The following RGS7 variants were observed in gnomAD, a reference collection of about 807,000 sequenced individuals.
The protein encoded by RGS7 is regulator of G-protein signaling 7.
Under a neutral mutation model 81.1 loss-of-function variants are expected in RGS7, and 27 were observed. The observed-to-expected ratio is 0.33, with a 90% CI of 0.25 to 0.46. The LOEUF is 0.46. Among genes scored for constraint, RGS7 ranks in the 20% least tolerant of loss-of-function variants. The probability of loss-of-function intolerance (pLI) is 1.00; values close to 1 mark genes in which losing one functional copy is unlikely to be tolerated. For missense variants in RGS7, 396 were observed against 607.4 expected, an observed-to-expected ratio of 0.65 and a Z score of 3.66; for synonymous variants, 208 against 207.7, an observed-to-expected ratio of 1.00 and a Z score of -0.01.
chr1:241,336,450 AC>A (rs1284498055), intron 2 of RGS7, among the ~76,000 whole-genome samples: 1 of 152,222 alleles, frequency 6.6e-6, no homozygotes. Context: ...AATCCCTAAA[AC>A]ATAGGAATCC....
At chr1:241,011,450 G>C (rs1281992481) in intron 3 of RGS7, among the ~76,000 whole-genome samples, 1 of 152,210 alleles carries the variant, frequency 6.6e-6, no homozygotes, top group Non-Finnish European at 1.5e-5. Context: ...TTGAGTGTTA[G>C]AAATGAAAAC....
intron 18 of RGS7, among the ~76,000 whole-genome samples, chr1:240,798,276 G>A (rs1176017822): frequency 6.6e-6 from 1 of 152,134 alleles, no homozygotes; most frequent in Non-Finnish European, 1.5e-5. Flanking sequence ...GTGCTAGTAA[G>A]TATTTATGAA....
intron 2 of RGS7, among the ~76,000 whole-genome samples, chr1:241,153,295 C>T (rs1433731487): frequency 1.3e-5 from 2 of 152,150 alleles, no homozygotes; most frequent in South Asian, 2.1e-4. Context: ...TACTGTGAGA[C>T]CAAATGCACT....
intron 2 of RGS7, among the ~76,000 whole-genome samples, chr1:241,328,437 A>G (rs2081750103): frequency 6.6e-6 from 1 of 152,228 alleles, no homozygotes; most frequent in Admixed American, 6.5e-5. Flanking sequence ...AAGAAACTAC[A>G]GGCCCAGCTC....
At chr1:240,871,953 A>G (rs1338167985) in intron 6 of RGS7, among the ~76,000 whole-genome samples, 1 of 152,000 alleles carries the variant, frequency 6.6e-6, no homozygotes, top group Admixed American at 6.6e-5. Flanking sequence ...AATCTTTATT[A>G]TTTGCAAAAT....
At chr1:240,812,078 T>C in intron 13 of RGS7, 35 bp from the exon 14 acceptor site, 2 of 1,613,224 alleles carry the variant, frequency 1.2e-6, no homozygotes, top group Non-Finnish European at 1.7e-6. Flanking sequence ...ATACATTCCT[T>C]TCATTAGAAT....
intron 9 of RGS7, among the ~76,000 whole-genome samples, chr1:240,843,856 T>TA (rs1658566429): frequency 6.6e-6 from 1 of 151,650 alleles, no homozygotes; most frequent in Non-Finnish European, 1.5e-5. Context: ...CTTTCTTTTT[T>TA]AAAAATACAA....
At chr1:240,864,869 C>T (rs1481210391) in intron 9 of RGS7, among the ~76,000 whole-genome samples, 1 of 152,118 alleles carries the variant, frequency 6.6e-6, no homozygotes, top group Non-Finnish European at 1.5e-5. Context: ...TTGTGATGCT[C>T]CTTGATTGTC....
intron 3 of RGS7, among the ~76,000 whole-genome samples, chr1:240,998,229 A>G (rs891400908): frequency 6.6e-6 from 1 of 152,042 alleles, no homozygotes; most frequent in Non-Finnish European, 1.5e-5. Context: ...GACTGCTTTC[A>G]AGATGTTTGT....
chr1:241,175,609 A>G (rs897760329), intron 2 of RGS7, among the ~76,000 whole-genome samples: 4 of 152,210 alleles, frequency 2.6e-5, no homozygotes, highest in Non-Finnish European at 5.9e-5. Flanking sequence ...GATAAATACC[A>G]TAAGAGGGCA....
chr1:241,056,790 A>T (rs181696786), intron 3 of RGS7, among the ~76,000 whole-genome samples: 108 of 152,346 alleles, frequency 7.1e-4, no homozygotes, highest in Admixed American at 9.8e-4. Context: ...ATAAATAGTT[A>T]TTACTAAATA....
chr1:240,963,087 T>G (rs1681725992), intron 4 of RGS7, among the ~76,000 whole-genome samples: 1 of 151,794 alleles, frequency 6.6e-6, no homozygotes, highest in Admixed American at 6.6e-5. Flanking sequence ...GAATATGAGG[T>G]AGAAAACAGT....
At chr1:241,018,999 C>T (rs889719641) in intron 3 of RGS7, among the ~76,000 whole-genome samples, 4 of 152,122 alleles carry the variant, frequency 2.6e-5, no homozygotes, top group African/African-American at 9.7e-5. Flanking sequence ...ATTCTCTTTC[C>T]TTTCCCCTGC....
At position 240,982,018 on chromosome 1, in the gene RGS7, C is replaced by T. The variant is rs373324388; in HGVS notation, c.226+1061G>A. 1.1e-4 allele frequency among the ~76,000 whole-genome samples: 17 copies of T among 152,288 alleles called. 1 individual carries two copies. The highest frequency in any genetic ancestry group is 3.9e-4 in the Admixed American group (6 of 15,298). On this transcript the variant is annotated intron_variant, in intron 4 of 18. Transcript: ENST00000440928. ...TCACTGTAATGCCAGCTTTTCATAA[C>T]TATTGTTTTCTGTTTTCTCAGAATC... is the stretch of plus-strand genomic sequence containing the variant.
intron 14 of RGS7, among the ~76,000 whole-genome samples, chr1:240,809,131 T>C (rs1439882136): frequency 6.6e-6 from 1 of 152,168 alleles, no homozygotes; most frequent in African/African-American, 2.4e-5. Flanking sequence ...AGATAAAAAC[T>C]CATGATATTA....
At chr1:240,819,133 T>G (rs1691332184) in intron 10 of RGS7, among the ~76,000 whole-genome samples, 2 of 152,234 alleles carry the variant, frequency 1.3e-5, no homozygotes, top group Admixed American at 6.5e-5. Flanking sequence ...GTTTTTCAAC[T>G]GTATCACCTT....
At chr1:241,147,773 TTAAGTTTTATATA>T (rs2103112929) in intron 2 of RGS7, among the ~76,000 whole-genome samples, 1 of 125,030 alleles carries the variant, frequency 8.0e-6, no homozygotes, top group East Asian at 2.3e-4. Context: ...CCCATCTAGA[TTAAGTTTTATATA>T]TATATATATA....
chr1:240,823,166 AGTC>A (rs1692115196), intron 10 of RGS7: 1 of 1,142,438 alleles, frequency 8.8e-7, no homozygotes, highest in Admixed American at 1.7e-5. Flanking sequence ...TCCCCATAGA[AGTC>A]CTCTTTGAAG....
In RGS7 at chr1:240,882,526, C is replaced by T. The variant is rs115168128; in HGVS notation, c.386-12407G>A. Among the ~76,000 whole-genome samples the T allele has an allele frequency of 1.8e-3, 277 of 152,238 alleles. 1 individual carries two copies. Among genetic ancestry groups the T allele is most frequent in the Middle Eastern group, 6.8e-3 (2 of 294 alleles). On this transcript the variant is annotated intron_variant, in intron 6 of 18. Transcript: ENST00000440928. The stretch of plus-strand genomic sequence containing the variant: ...AACCCAGAGAGCTCAAGTCCTCTCT[C>T]GGGGCCACATAGTATGTCGGCAAGT...
Sources: allele counts gnomAD v4.1 joint callset (sites outside exome capture counted in the v4.1 genomes callset), GRCh38; gene constraint gnomAD v4.1.1; transcripts MANE v1.5; gene names NCBI Gene and HGNC (gene_info 2026-07-23, HGNC 2026-07-21).